The following BAG5 variants were observed in gnomAD, a reference collection of about 807,000 sequenced individuals.
BAG5 encodes BAG family molecular chaperone regulator 5.
Under a neutral mutation model 31.8 loss-of-function variants are expected in BAG5, and 25 were observed. The ratio of observed to expected loss-of-function variants is 0.79; its 90% confidence interval spans 0.57 to 1.10. The LOEUF (loss-of-function observed/expected upper bound fraction) is 1.10. BAG5 is among the 50% of genes least tolerant of loss of function. BAG5 has a pLI of 0.00. For synonymous variants in BAG5, 208 were observed against 205.0 expected (o/e 1.01, Z -0.13); for missense variants, 491 against 527.9 (o/e 0.93, Z 0.68).
rs775540539 is a variant in BAG5 at position 103,560,993 on chromosome 14, T to C, written c.172A>G (p.Thr58Ala). The C allele has an allele frequency of 1.2e-6, 2 of 1,614,072 alleles. No individual in the cohort carries two copies. The highest frequency in any genetic ancestry group is 2.2e-5 in the East Asian group (1 of 44,900). ...KQLFEIDSVD[T>A]EGKGDIQQAR... ...TGCTGAATATCTCCTTTTCCTTCAG[T>C]ATCTACAGAGTCTATTTCAAAAAGC... The change falls in exon 2 of 2, where the codon ACT (threonine) becomes GCT (alanine). Residue 58 changes from threonine (T) to alanine (A), a missense_variant. By Grantham distance (58) the Thr-to-Ala change is moderately conservative. Coordinates refer to ENST00000299204, the MANE Select transcript of BAG5 (RefSeq NM_001015048.3).
In BAG5 at chr14:103,558,525, T is replaced by A. The variant is rs1387939810; in HGVS notation, c.*1296A>T. ...CAAGGCACTTCAGAACTTTGGGAAA[T>A]CATTTTGTACCGGATCCTCAGAAAG... On this transcript the variant is annotated 3_prime_UTR_variant, in exon 2 of 2. Coordinates refer to ENST00000299204, the MANE Select transcript of BAG5 (RefSeq NM_001015048.3). 1 of 152,200 alleles carries A rather than the reference T, an allele frequency of 6.6e-6. No homozygotes were observed. The highest frequency in any genetic ancestry group is 1.9e-4 in the East Asian group (1 of 5,196). 9.4% of individuals were successfully genotyped at this position (152,200 alleles called of 1,614,324 possible).
At position 103,558,356 on chromosome 14, in the gene BAG5, C is replaced by T. The variant is rs2076050080; in HGVS notation, c.*1465G>A. On this transcript the variant is annotated 3_prime_UTR_variant, in exon 2 of 2. Transcript: ENST00000299204. ...AGCTACTTTGAGCTGTTTAAAGTGA[C>T]TATCTCCCTACACAGAGTTACACAA... 6.6e-6 allele frequency: 1 copy of T among 152,224 alleles called. No homozygotes were observed. The highest frequency in any genetic ancestry group is 1.5e-5 in the Non-Finnish European group (1 of 68,042). The allele number at this position is 152,224 out of a possible 1,614,324, so 9.4% of individuals were successfully genotyped here. A position where few individuals can be genotyped will look rare whatever the true frequency, so the allele number is the denominator to read the frequency against.
chr14:103,559,978 A>G lies in BAG5; in HGVS notation c.1187T>C (p.Ile396Thr). The stretch of plus-strand genomic sequence containing the variant: ...CTTGGTGAGCAGCTCTTCCAGCCGG[A>G]TGTAGTTCTTATCGGTTCGATTTCC... ...FDGNRTDKNY[I>T]RLEELLTKQL... is the part of the protein sequence containing the mutation. Residue 396 changes from isoleucine (I) to threonine (T), a missense_variant, in exon 2 of 2, where the codon ATC becomes ACC. By Grantham distance (89) the Ile-to-Thr change is moderately conservative (BLOSUM62 -1). Transcript: ENST00000299204. 1 of 1,614,216 alleles carries G rather than the reference A, an allele frequency of 6.2e-7. No individual in the cohort carries two copies. Among genetic ancestry groups the G allele is most frequent in the South Asian group, 1.1e-5 (1 of 91,092 alleles).
chr14:103,559,656 T>C lies in BAG5; in HGVS notation c.*165A>G, dbSNP rs1037382421. On this transcript the variant is annotated 3_prime_UTR_variant, in exon 2 of 2. Transcript: ENST00000299204. ...TGGAAAAGTTAACGTGCTGTAATGA[T>C]ATTTGTCTTGCAACATCAAAAGCAG... The C allele has an allele frequency of 9.3e-6, 7 of 752,108 alleles. No individual in the cohort carries two copies. The highest frequency in any genetic ancestry group is 6.0e-5 in the Admixed American group (2 of 33,532). 46.6% of individuals were successfully genotyped at this position (752,108 alleles called of 1,614,324 possible). A position where few individuals can be genotyped will look rare whatever the true frequency, so the allele number is the denominator to read the frequency against.
Position 103,562,651 on chromosome 14 carries a change from A to G in BAG5, c.-64T>C, listed in dbSNP as rs1040740255. 1 of 209,668 alleles carries G rather than the reference A, an allele frequency of 4.8e-6. No individual in the cohort carries two copies. 13.0% of individuals were successfully genotyped at this position (209,668 alleles called of 1,614,324 possible). ...CGCGCCATCGCGCGATGCGTCGCCG[A>G]CGCTTCCACGACTTCCGCAGCTCCG... On this transcript the variant is annotated 5_prime_UTR_variant, in exon 1 of 2. Transcript: ENST00000299204.
At chr14:103,561,332 T>C in intron 1 of BAG5, 140 bp from the exon 2 acceptor site, 1 of 840,902 alleles carries the variant, frequency 1.2e-6, no homozygotes, top group Non-Finnish European at 1.8e-6. Flanking sequence ...CCCCAGTAGC[T>C]GGGTCTACAG....
Position 103,559,932 on chromosome 14 carries a change from A to C in BAG5, c.1233T>G (p.Ala411=), listed in dbSNP as rs1168009107. Residue 411 remains alanine, a synonymous_variant, in exon 2 of 2, where the codon GCT becomes GCG. Transcript: ENST00000299204. ...LLTKQLLALD[A]VDPQGEEKCK... is the part of the protein sequence containing the mutation. ...ACTTCTCTTCTCCCTGCGGATCAACAGCATCCAGGGCTAGCAGCTGCTTGG... is the reference window on the plus strand; with the variant it reads ...ACTTCTCTTCTCCCTGCGGATCAACCGCATCCAGGGCTAGCAGCTGCTTGG... The C allele has an allele frequency of 6.2e-7, 1 of 1,614,108 alleles. No individual in the cohort carries two copies. Among genetic ancestry groups the C allele is most frequent in the Non-Finnish European group, 8.5e-7 (1 of 1,180,044 alleles).
rs749416088 is a variant in BAG5, at chr14:103,560,599, AC to A, written c.565del (p.Val189Ter). The A allele has an allele frequency of 1.9e-6, 3 of 1,614,102 alleles. No homozygotes were observed. Among genetic ancestry groups the A allele is most frequent in the Admixed American group, 3.3e-5 (2 of 60,010 alleles). On this transcript the variant is annotated frameshift_variant, in exon 2 of 2. Coordinates refer to ENST00000299204, the MANE Select transcript of BAG5 (RefSeq NM_001015048.3). LOFTEE classifies it high-confidence loss of function. The stretch of plus-strand genomic sequence containing the variant: ...TCGGGCCTTGTTCACCTCACACATC[AC>A]GAAGTTGATTTTGGCAACGGAAGGA... ...AHPSVAKINF[V>X]MCEVNKARGV...
rs775663610 is a variant in BAG5 at position 103,560,081 on chromosome 14, C to T, written c.1084G>A (p.Glu362Lys). 1.9e-6 allele frequency: 3 copies of T among 1,614,186 alleles called. No homozygotes were observed. Among genetic ancestry groups the T allele is most frequent in the Non-Finnish European group, 2.5e-6 (3 of 1,180,046 alleles). The change falls in exon 2 of 2, where the codon GAG becomes AAG. Residue 362 changes from glutamate (E) to lysine (K), a missense_variant. Coordinates refer to ENST00000299204, the MANE Select transcript of BAG5 (RefSeq NM_001015048.3). Reference protein sequence around the residue: ...LEKRKLFACEEHPSHKAVWNV... With the variant: ...LEKRKLFACEKHPSHKAVWNV... ...CAGACGGCTTTATGGGATGGGTGCT[C>T]CTCACAAGCAAACAGCTTTCTTTTC...
At chr14:103,561,743 C>T in intron 1 of BAG5, 1 of 608,872 alleles carries the variant, frequency 1.6e-6, no homozygotes, top group Non-Finnish European at 2.9e-6. Context: ...CAGAAGTCTC[C>T]CTGAAGAGAT....
At position 103,556,872 on chromosome 14, in the gene BAG5, CAA is replaced by C. The variant is rs778444757; in HGVS notation, c.*2947_*2948del. On this transcript the variant is annotated 3_prime_UTR_variant, in exon 2 of 2. Transcript: ENST00000299204. ...CCCTTAAAAACCAGATAGAAATTGACAAAGTCAAACAAAGGAGAAAAACTAGC... is the reference window on the plus strand; with the variant it reads ...CCCTTAAAAACCAGATAGAAATTGACAGTCAAACAAAGGAGAAAAACTAGC... 1 of 152,110 alleles carries C rather than the reference CAA, an allele frequency of 6.6e-6. No individual in the cohort carries two copies. Among genetic ancestry groups the C allele is most frequent in the Non-Finnish European group, 1.5e-5 (1 of 68,006 alleles). The allele number at this position is 152,110 out of a possible 1,614,324, so 9.4% of individuals were successfully genotyped here.
chr14:103,560,924 CTT>C lies in BAG5; in HGVS notation c.239_240del (p.Lys80ArgfsTer13). 1.2e-6 allele frequency: 2 copies of C among 1,614,156 alleles called. No individual in the cohort carries two copies. The highest frequency in any genetic ancestry group is 8.5e-7 in the Non-Finnish European group (1 of 1,180,040). On this transcript the variant is annotated frameshift_variant, in exon 2 of 2. Transcript: ENST00000299204. LOFTEE classifies it high-confidence loss of function. The part of the protein sequence containing the change: ...RAAQETERLL[K>X]ELEQNANHPH... ...GGGTGGTTTGCATTCTGCTCCAACT[CTT>C]TGAGAAGACGTTCTGTCTCCTGTGC...
Position 103,561,180 on chromosome 14 carries a change from A to G in BAG5, c.-16T>C, listed in dbSNP as rs1390511523. 1.3e-6 allele frequency: 2 copies of G among 1,589,764 alleles called. No individual in the cohort carries two copies. Among genetic ancestry groups the G allele is most frequent in the African/African-American group, 2.7e-5 (2 of 74,152 alleles). ...CCATATCCATACTTTTGTTGTGTTC[A>G]GTTTCACAAGCACTAAAAGACGACA... On this transcript the variant is annotated 5_prime_UTR_variant, in exon 2 of 2. Transcript: ENST00000299204.
chr14:103,560,981 C>G lies in BAG5; in HGVS notation c.184G>C (p.Gly62Arg), dbSNP rs2076068511. 1 of 1,614,060 alleles carries G rather than the reference C, an allele frequency of 6.2e-7. No individual in the cohort carries two copies. Among genetic ancestry groups the G allele is most frequent in the African/African-American group, 1.3e-5 (1 of 74,922 alleles). Reference sequence around the variant, plus strand: ...CGCTTCCTAGCTTGCTGAATATCTCCTTTTCCTTCAGTATCTACAGAGTCT... The same window carrying G: ...CGCTTCCTAGCTTGCTGAATATCTCGTTTTCCTTCAGTATCTACAGAGTCT... The part of the protein sequence containing the change: ...EIDSVDTEGK[G>R]DIQQARKRAA... The change falls in exon 2 of 2, where the codon GGA becomes CGA. Residue 62 changes from glycine (G) to arginine (R), a missense_variant. Coordinates refer to ENST00000299204, the MANE Select transcript of BAG5 (RefSeq NM_001015048.3).
In BAG5 at chr14:103,558,899, A is replaced by G. The variant is rs2076053098; in HGVS notation, c.*922T>C. 1 of 152,188 alleles carries G rather than the reference A, an allele frequency of 6.6e-6. No individual in the cohort carries two copies. The highest frequency in any genetic ancestry group is 2.4e-5 in the African/African-American group (1 of 41,448). The allele number at this position is 152,188 out of a possible 1,614,324, so 9.4% of individuals were successfully genotyped here. On this transcript the variant is annotated 3_prime_UTR_variant, in exon 2 of 2. Transcript: ENST00000299204. Reference sequence around the variant, plus strand: ...CAGCCTTGGACAACAGAAGAGAACCATTATGTGCTACATTCAGACTTTCTG... The same window carrying G: ...CAGCCTTGGACAACAGAAGAGAACCGTTATGTGCTACATTCAGACTTTCTG...
Position 103,560,633 on chromosome 14 carries a change from C to A in BAG5, c.532G>T (p.Asp178Tyr). The A allele has an allele frequency of 6.2e-7, 1 of 1,614,182 alleles. No homozygotes were observed. The highest frequency in any genetic ancestry group is 1.3e-5 in the African/African-American group (1 of 75,056). ...ATTTTGGCAACGGAAGGATGTGCAT[C>A]CTCGGAAAGCGGCAGGGAAGGCTGC... is the stretch of plus-strand genomic sequence containing the variant. ...KKQPSLPLSE[D>Y]AHPSVAKINF... The change falls in exon 2 of 2, where the codon GAT becomes TAT. Residue 178 changes from aspartate (D) to tyrosine (Y), a missense_variant. Coordinates refer to ENST00000299204, the MANE Select transcript of BAG5 (RefSeq NM_001015048.3).
rs906071917 is a variant in BAG5, at chr14:103,560,160, T to G, written c.1005A>C (p.Ala335=). The G allele has an allele frequency of 6.2e-7, 1 of 1,614,074 alleles. No individual in the cohort carries two copies. Among genetic ancestry groups the G allele is most frequent in the African/African-American group, 1.3e-5 (1 of 74,926 alleles). The part of the protein sequence containing the change: ...NPCIREARRR[A]VIEVQTLITY... ...TGATCAGAGTTTGCACCTCGATCACTGCTCTTCTCCTGGCTTCCCGGATGC... is the reference window on the plus strand; with the variant it reads ...TGATCAGAGTTTGCACCTCGATCACGGCTCTTCTCCTGGCTTCCCGGATGC... Residue 335 remains alanine (A), a synonymous_variant, in exon 2 of 2, where the codon GCA becomes GCC. Transcript: ENST00000299204.
chr14:103,561,238 G>A (rs1595128386), intron 1 of BAG5, 46 bp from the exon 2 acceptor site: 2 of 1,508,994 alleles, frequency 1.3e-6, no homozygotes, highest in Non-Finnish European at 1.8e-6. Flanking sequence ...CAAGGCTTCT[G>A]CAGAACACTA....
At chr14:103,561,799 G>GCACC (rs762943914) in intron 1 of BAG5, 1 of 733,590 alleles carries the variant, frequency 1.4e-6, no homozygotes, top group Non-Finnish European at 2.4e-6. Context: ...GCGCTGAAGG[G>GCACC]CACCACCTTG....
Sources: gnomAD v4.1 joint callset for allele counts on GRCh38, gnomAD v4.1.1 for gene constraint, MANE v1.5 for transcripts, NCBI Gene and HGNC (gene_info 2026-07-23, HGNC 2026-07-21) for gene names.